Variants in GDNF observed in about 807,000 individuals in gnomAD.
The protein encoded by GDNF is glial cell line-derived neurotrophic factor.
In GDNF, 5 loss-of-function variants were observed where a neutral mutation model predicts 13.7. The observed-to-expected ratio is 0.36, with a 90% confidence interval of 0.19 to 0.77. The LOEUF is 0.77. Among genes scored for constraint, GDNF ranks in the 30% least tolerant of loss-of-function variants. The pLI, the probability that GDNF is intolerant of heterozygous loss-of-function variation, is 0.51. For synonymous variants in GDNF, 122 were observed against 112.5 expected (o/e 1.08, Z -0.53); for missense variants, 246 against 274.3 (o/e 0.90, Z 0.73).
chr5:37,819,235 C>G lies in GDNF; in HGVS notation c.152-3100G>C, dbSNP rs1055835710. ...ATGAAATGCTCCAAAGTAAACAGCCCACATTACTCAGAAAAGCCACTCTGC... is the reference window on the plus strand; with the variant it reads ...ATGAAATGCTCCAAAGTAAACAGCCGACATTACTCAGAAAAGCCACTCTGC... On this transcript the variant is annotated intron_variant, in intron 2 of 2. Transcript: ENST00000326524. Among the ~76,000 whole-genome samples, 27 of 152,156 alleles carry G rather than the reference C, an allele frequency of 1.8e-4. No homozygotes were observed. The East Asian group carries it at 2.9e-3, about 16-fold the overall frequency.
chr5:37,818,041 T>C (rs1749994541), intron 2 of GDNF, among the ~76,000 whole-genome samples: 1 of 152,206 alleles, frequency 6.6e-6, no homozygotes, highest in South Asian at 2.1e-4. Context: ...TTTCTCTTCT[T>C]GTTCCCTCCC....
chr5:37,829,452 T>C (rs1037409656), intron 2 of GDNF, among the ~76,000 whole-genome samples: 2 of 152,196 alleles, frequency 1.3e-5, no homozygotes, highest in African/African-American at 4.8e-5. Context: ...TATTCATCCA[T>C]CCAGCCATCC....
intron 2 of GDNF, among the ~76,000 whole-genome samples, chr5:37,822,877 G>GTTAT (rs1179895519): frequency 3.3e-5 from 5 of 152,104 alleles, no homozygotes; most frequent in Non-Finnish European, 7.4e-5. Context: ...TTTGGAATAA[G>GTTAT]TTATTTTTAT....
intron 2 of GDNF, among the ~76,000 whole-genome samples, chr5:37,818,845 G>A (rs2111644715): frequency 6.6e-6 from 1 of 152,266 alleles, no homozygotes; most frequent in South Asian, 2.1e-4. Context: ...TTGCTCAAAT[G>A]TCACTATCCA....
chr5:37,821,091 T>C lies in GDNF; in HGVS notation c.152-4956A>G, dbSNP rs150777603. Among the ~76,000 whole-genome samples the C allele has an allele frequency of 7.7e-3, 1,172 of 152,284 alleles. 8 individuals are homozygous for C. Among genetic ancestry groups the C allele is most frequent in the Middle Eastern group, 0.01 (3 of 294 alleles). On this transcript the variant is annotated intron_variant, in intron 2 of 2. Transcript: ENST00000326524. Reference sequence around the variant, plus strand: ...CATTCTTAGAGCCAGCCTCAATTTATCGATGCGAGGCACCTGGGGGCATTA... The same window carrying C: ...CATTCTTAGAGCCAGCCTCAATTTACCGATGCGAGGCACCTGGGGGCATTA...
rs770821553 is a variant in GDNF at position 37,838,414 on chromosome 5, T to C, written c.-27+1093A>G. 6.6e-6 allele frequency among the ~76,000 whole-genome samples: 1 copy of C among 152,212 alleles called. No homozygotes were observed. The highest frequency in any genetic ancestry group is 1.5e-5 in the Non-Finnish European group (1 of 68,036). ...CGTGAATGAGGTTGGAAGAAACATC[T>C]CTTCCTTGAAATACCTAAGCATATA... On this transcript the variant is annotated intron_variant, in intron 1 of 2. Coordinates refer to ENST00000326524, the MANE Select transcript of GDNF (RefSeq NM_000514.4). The surrounding 1 kb of genome is among the most constrained non-coding windows in gnomAD (Gnocchi z 4.1).
intron 1 of GDNF, 159 bp from the exon 2 acceptor site, chr5:37,834,981 T>G: frequency 5.7e-5 from 36 of 627,814 alleles, no homozygotes; most frequent in Middle Eastern, 4.3e-4. Context: ...TCCTTGCAAG[T>G]CCCCAGTTCG....
intron 2 of GDNF, among the ~76,000 whole-genome samples, chr5:37,822,381 G>A (rs1416268773): frequency 6.6e-6 from 1 of 152,192 alleles, no homozygotes; most frequent in African/African-American, 2.4e-5. Context: ...GGAAGGGTGA[G>A]GGCTAATGGG....
At chr5:37,825,008 C>G (rs180858046) in intron 2 of GDNF, among the ~76,000 whole-genome samples, 408 of 152,222 alleles carry the variant, frequency 2.7e-3, no homozygotes, top group African/African-American at 8.8e-3. Flanking sequence ...AGAAAAAGAC[C>G]AACCAGAATG....
chr5:37,813,748 A>C lies in GDNF; in HGVS notation c.*1903T>G, dbSNP rs1391930343. On this transcript the variant is annotated 3_prime_UTR_variant, in exon 3 of 3. Transcript: ENST00000326524. ...TGCCTAATTTTTAAAGTTTCTGTAGAGACAGGGTCTCCCTATGTTGCCCAA... is the reference window on the plus strand; with the variant it reads ...TGCCTAATTTTTAAAGTTTCTGTAGCGACAGGGTCTCCCTATGTTGCCCAA... 1 of 152,490 alleles carries C rather than the reference A, an allele frequency of 6.6e-6. No homozygotes were observed. The highest frequency in any genetic ancestry group is 1.5e-5 in the Non-Finnish European group (1 of 68,226). 9.4% of individuals were successfully genotyped at this position (152,490 alleles called of 1,614,324 possible). A position where few individuals can be genotyped will look rare whatever the true frequency, so the allele number is the denominator to read the frequency against.
intron 1 of GDNF, chr5:37,835,793 G>C: frequency 1.3e-6 from 1 of 762,870 alleles, no homozygotes; most frequent in South Asian, 1.5e-5. Flanking sequence ...CCCCCGTCAC[G>C]CCTGGACGAC....
chr5:37,830,321 G>A (rs761795580), intron 2 of GDNF, among the ~76,000 whole-genome samples: 2 of 152,126 alleles, frequency 1.3e-5, no homozygotes, highest in African/African-American at 2.4e-5. Flanking sequence ...TTCCCATGAC[G>A]GAAGAGGTCT....
rs556489721 is a variant in GDNF at position 37,837,113 on chromosome 5, G to C, written c.-26-2291C>G. On this transcript the variant is annotated intron_variant, in intron 1 of 2. Transcript: ENST00000326524. The surrounding 1 kb of genome is among the most constrained non-coding windows in gnomAD (Gnocchi z 6.5). ...CGGTATTTGCTGGGCGGGGGAAAAG[G>C]GGGGAGGTTGGGGGACTCGGCACAC... Among the ~76,000 whole-genome samples, 5 of 152,316 alleles carry C rather than the reference G, an allele frequency of 3.3e-5. No homozygotes were observed. The highest frequency in any genetic ancestry group is 1.9e-4 in the East Asian group (1 of 5,166).
Position 37,837,121 on chromosome 5 carries a change from T to C in GDNF, c.-26-2299A>G, listed in dbSNP as rs1230456882. The stretch of plus-strand genomic sequence containing the variant: ...GCTGGGCGGGGGAAAAGGGGGGAGG[T>C]TGGGGGACTCGGCACACACAGCGTC... On this transcript the variant is annotated intron_variant, in intron 1 of 2. Transcript: ENST00000326524. This position sits in a 1 kb window ranked among gnomAD's most constrained non-coding sequence, Gnocchi z 6.5. 1.3e-5 allele frequency among the ~76,000 whole-genome samples: 2 copies of C among 151,682 alleles called. No individual in the cohort carries two copies. Among genetic ancestry groups the C allele is most frequent in the East Asian group, 3.9e-4 (2 of 5,118 alleles).
rs780303352 is a variant in GDNF at position 37,815,894 on chromosome 5, A to G, written c.393T>C (p.Gly131=). 39 of 1,614,110 alleles carry G rather than the reference A, an allele frequency of 2.4e-5. No individual in the cohort carries two copies. The East Asian group carries it at 8.7e-4, about 36-fold the overall frequency. ...TAIHLNVTDL[G]LGYETKEELI... is the part of the protein sequence containing the mutation. Reference sequence around the variant, plus strand: ...GTTCCTCCTTGGTTTCATAGCCCAGACCCAAGTCAGTGACATTTAAATGTA... The same window carrying G: ...GTTCCTCCTTGGTTTCATAGCCCAGGCCCAAGTCAGTGACATTTAAATGTA... Residue 131 remains glycine (G), a synonymous_variant, in exon 3 of 3, where the codon GGT becomes GGC. Transcript: ENST00000326524. This position sits in a 1 kb window ranked among gnomAD's most constrained non-coding sequence, Gnocchi z 5.0.
chr5:37,815,523 T>TCCTCCTCCTCA lies in GDNF; in HGVS notation c.*127_*128insTGAGGAGGAGG. 2 of 732,616 alleles carry TCCTCCTCCTCA rather than the reference T, an allele frequency of 2.7e-6. No homozygotes were observed. The highest frequency in any genetic ancestry group is 4.5e-6 in the Non-Finnish European group (2 of 442,514). The allele number at this position is 732,616 out of a possible 1,614,324, so 45.4% of individuals were successfully genotyped here. ...CCTCCTCCTCCTCCTCCTCCTCCTCTTCTTCTTCCTCCTCCTCCGCCTCCT... is the reference window on the plus strand; with the variant it reads ...CCTCCTCCTCCTCCTCCTCCTCCTCTCCTCCTCCTCATCTTCTTCCTCCTCCTCCGCCTCCT... On this transcript the variant is annotated 3_prime_UTR_variant, in exon 3 of 3. Transcript: ENST00000326524. This position sits in a 1 kb window ranked among gnomAD's most constrained non-coding sequence, Gnocchi z 5.0.
At chr5:37,816,928 G>A (rs553572402) in intron 2 of GDNF, among the ~76,000 whole-genome samples, 8 of 152,296 alleles carry the variant, frequency 5.3e-5, no homozygotes, top group East Asian at 3.9e-4. Flanking sequence ...CTAATTTACC[G>A]CTTCCTTTGA....
chr5:37,832,759 G>C (rs1453069631), intron 2 of GDNF, among the ~76,000 whole-genome samples: 2 of 152,188 alleles, frequency 1.3e-5, no homozygotes, highest in African/African-American at 4.8e-5. Flanking sequence ...TTCAAGTCTG[G>C]TTGCACATTA....
intron 2 of GDNF, among the ~76,000 whole-genome samples, chr5:37,832,546 G>C (rs1037140783): frequency 6.6e-6 from 1 of 152,126 alleles, no homozygotes; most frequent in Non-Finnish European, 1.5e-5. Context: ...AACACAATGG[G>C]GTGTGTTTTG....
Sources: gnomAD v4.1 joint callset for allele counts (sites outside exome capture counted in the v4.1 genomes callset) on GRCh38, gnomAD v4.1.1 for gene constraint, Gnocchi (gnomAD v3.1) non-coding constraint, MANE v1.5 for transcripts, NCBI Gene and HGNC (gene_info 2026-07-23, HGNC 2026-07-21) for gene names.